Variants in LYST observed in about 807,000 individuals in gnomAD.
The protein encoded by LYST is lysosomal-trafficking regulator.
Under a neutral mutation model 413.6 loss-of-function variants are expected in LYST, and 192 were observed. The ratio of observed to expected loss-of-function variants is 0.46; its 90% CI spans 0.41 to 0.52. LYST has a LOEUF of 0.52. LYST is among the 20% of genes least tolerant of loss of function. The pLI, the probability that LYST is intolerant of heterozygous loss-of-function variation, is 0.00. For synonymous variants in LYST, 1,525 were observed against 1,567.3 expected, an observed-to-expected ratio of 0.97 and a Z score of 0.64; for missense variants, 3,815 against 4,499.9, an observed-to-expected ratio of 0.85 and a Z score of 4.35.
At chr1:235,815,837 T>C (rs1673995246) in intron 3 of LYST, among the ~76,000 whole-genome samples, 1 of 151,794 alleles carries the variant, frequency 6.6e-6, no homozygotes, top group Non-Finnish European at 1.5e-5. Flanking sequence ...AAAGAAACAA[T>C]ATTGTTAAAA....
chr1:235,775,827 T>C (rs185909973), intron 17 of LYST, among the ~76,000 whole-genome samples: 165 of 152,216 alleles, frequency 1.1e-3, no homozygotes, highest in South Asian at 7.7e-3. Flanking sequence ...TTGGCTGGAT[T>C]GTAGAGACCA....
intron 43 of LYST, among the ~76,000 whole-genome samples, chr1:235,710,623 T>C (rs1376348932): frequency 6.6e-6 from 1 of 152,232 alleles, no homozygotes; most frequent in Non-Finnish European, 1.5e-5. Flanking sequence ...CAGCATTTCC[T>C]GTCTTGCATG....
chr1:235,880,532 TG>T (rs1274050959), intron 1 of LYST, among the ~76,000 whole-genome samples: 6 of 152,074 alleles, frequency 3.9e-5, no homozygotes, highest in African/African-American at 1.4e-4. Context: ...CCATGGGAAG[TG>T]GGTTAGGGTA....
At chr1:235,784,494 AG>A (rs1480133928) in intron 14 of LYST, among the ~76,000 whole-genome samples, 1 of 152,228 alleles carries the variant, frequency 6.6e-6, no homozygotes, top group Non-Finnish European at 1.5e-5. Flanking sequence ...AAAAGGCTGC[AG>A]GGGCAGTAAA....
chr1:235,681,606 G>A (rs1374064557), intron 48 of LYST, among the ~76,000 whole-genome samples: 2 of 152,130 alleles, frequency 1.3e-5, no homozygotes, highest in African/African-American at 4.8e-5. Context: ...GGAATGAGCT[G>A]GGGCAATGGT....
intron 31 of LYST, chr1:235,735,376 G>A (rs1186913019): frequency 6.6e-6 from 1 of 152,070 alleles, no homozygotes; most frequent in Non-Finnish European, 1.5e-5. Flanking sequence ...ACAATTCTAT[G>A]TATGTATCCA....
chr1:235,670,906 C>A (rs1658885957), intron 50 of LYST, among the ~76,000 whole-genome samples: 1 of 152,078 alleles, frequency 6.6e-6, no homozygotes, highest in African/African-American at 2.4e-5. Context: ...TGGGAAATAA[C>A]CCTAGTAAAA....
chr1:235,697,228 C>T lies in LYST; in HGVS notation c.10419G>A (p.Val3473=). Residue 3473 remains valine (V), a synonymous_variant, in exon 46 of 53, where the codon GTG becomes GTA. Transcript: ENST00000389793. The part of the protein sequence containing the change: ...WIKGLKWGEY[V]GSPSAPVPVV... ...CAGGTACTGGAGCACTGGGGGAACCCACGTATTCCCCCCATTTCAAGCCTT... is the reference window on the plus strand; with the variant it reads ...CAGGTACTGGAGCACTGGGGGAACCTACGTATTCCCCCCATTTCAAGCCTT... 2.5e-6 allele frequency: 4 copies of T among 1,614,018 alleles called. No individual in the cohort carries two copies. The highest frequency in any genetic ancestry group is 3.4e-6 in the Non-Finnish European group (4 of 1,179,998).
At chr1:235,819,000 G>A (rs895213129) in intron 3 of LYST, among the ~76,000 whole-genome samples, 1 of 152,190 alleles carries the variant, frequency 6.6e-6, no homozygotes, top group African/African-American at 2.4e-5. Flanking sequence ...CCCCTCAAGA[G>A]AAAGGAAGAA....
chr1:235,852,760 T>C (rs1678690212), intron 1 of LYST, among the ~76,000 whole-genome samples: 1 of 152,102 alleles, frequency 6.6e-6, no homozygotes, highest in East Asian at 1.9e-4. Context: ...TTTCAGAGAG[T>C]TAAACGATCT....
At chr1:235,732,768 C>G (rs1050613930) in intron 34 of LYST, among the ~76,000 whole-genome samples, 1 of 152,088 alleles carries the variant, frequency 6.6e-6, no homozygotes, top group Non-Finnish European at 1.5e-5. Context: ...TGTGTTCATG[C>G]CTTTTGCTCA....
chr1:235,859,924 T>C (rs1481277594), intron 1 of LYST, among the ~76,000 whole-genome samples: 1 of 152,236 alleles, frequency 6.6e-6, no homozygotes, highest in African/African-American at 2.4e-5. Context: ...ATTACATCTT[T>C]GGCAAAGTAA....
chr1:235,813,987 A>ATG (rs1323025528), intron 3 of LYST, among the ~76,000 whole-genome samples: 2 of 152,190 alleles, frequency 1.3e-5, no homozygotes, highest in Non-Finnish European at 2.9e-5. Flanking sequence ...GATGAGAGAG[A>ATG]TGATGACTTT....
At chr1:235,683,685 G>A (rs1660004257) in intron 48 of LYST, among the ~76,000 whole-genome samples, 1 of 152,122 alleles carries the variant, frequency 6.6e-6, no homozygotes, top group South Asian at 2.1e-4. Flanking sequence ...ACTTGGTTGG[G>A]GGGCCCATCT....
Position 235,852,995 on chromosome 1 carries a change from A to T in LYST, c.-98+13848T>A. 1.8e-5 allele frequency: 3 copies of T among 170,590 alleles called. No individual in the cohort carries two copies. The Middle Eastern group carries it at 1.6e-3, about 89-fold the overall frequency. 10.6% of individuals were successfully genotyped at this position (170,590 alleles called of 1,614,324 possible). A position where few individuals can be genotyped will look rare whatever the true frequency, so the allele number is the denominator to read the frequency against. ...GCATTTTAGCGATTAGGTCTGGCAC[A>T]ACTTACAACTGTAACTAGACGGTTT... On this transcript the variant is annotated intron_variant, in intron 1 of 52. Transcript: ENST00000389793.
chr1:235,714,994 GA>G, intron 42 of LYST, among the ~76,000 whole-genome samples: 2 of 152,222 alleles, frequency 1.3e-5, no homozygotes, highest in Non-Finnish European at 1.5e-5. Flanking sequence ...CATTTAATTT[GA>G]AGCTAAAATT....
chr1:235,736,514 A>C (rs1399378066), intron 31 of LYST: 1 of 152,160 alleles, frequency 6.6e-6, no homozygotes, highest in African/African-American at 2.4e-5. Context: ...AAGAGGTTGC[A>C]AGACACAAAG....
intron 10 of LYST, among the ~76,000 whole-genome samples, chr1:235,794,619 A>G (rs569576330): frequency 6.6e-6 from 1 of 152,368 alleles, no homozygotes; most frequent in East Asian, 1.9e-4. Flanking sequence ...AAGTTTTAAA[A>G]GACTGGTAGT....
chr1:235,666,613 CACACACACACACACACACACACAT>C (rs1658502534), intron 50 of LYST, among the ~76,000 whole-genome samples: 1 of 150,922 alleles, frequency 6.6e-6, no homozygotes, highest in African/African-American at 2.4e-5. Flanking sequence ...CACATACACA[CACACACACACACACACACACACAT>C]GCCCAATGTT....
Sources: gnomAD v4.1 joint callset for allele counts (sites outside exome capture counted in the v4.1 genomes callset) on GRCh38, gnomAD v4.1.1 for gene constraint, MANE v1.5 for transcripts, NCBI Gene and HGNC (gene_info 2026-07-23, HGNC 2026-07-21) for gene names.